Variants in PRKAR2B observed in about 807,000 individuals in gnomAD.
PRKAR2B encodes the protein protein kinase cAMP-dependent type II regulatory subunit beta.
In PRKAR2B, 14 loss-of-function variants were observed where a neutral mutation model predicts 49.9. The observed-to-expected ratio is 0.28, with a 90% CI of 0.19 to 0.44. PRKAR2B has a LOEUF of 0.44. PRKAR2B is among the 20% of genes least tolerant of loss of function. The pLI is 1.00. For synonymous variants in PRKAR2B, 196 were observed against 197.7 expected (o/e 0.99, Z 0.07); for missense variants, 393 against 537.9 (o/e 0.73, Z 2.67).
chr7:107,108,985 G>T (rs1176259950), intron 2 of PRKAR2B, among the ~76,000 whole-genome samples: 1 of 152,218 alleles, frequency 6.6e-6, no homozygotes, highest in Admixed American at 6.5e-5. Context: ...AGAGTGGGCA[G>T]AGTGGCTCAT....
Position 107,158,237 on chromosome 7 carries a change from GGTGA to G in PRKAR2B, c.1123+922_1123+925del, listed in dbSNP as rs1297343813. ...GTGAGTGAAAGTCTATTACAGTAAAGGTGAGTGAGTGAAAGTCTATTAGAAAGAG... is the reference window on the plus strand; with the variant it reads ...GTGAGTGAAAGTCTATTACAGTAAAGGTGAGTGAAAGTCTATTAGAAAGAG... On this transcript the variant is annotated intron_variant, in intron 10 of 10. Transcript: ENST00000265717. Among the ~76,000 whole-genome samples, 3 of 151,810 alleles carry G rather than the reference GGTGA, an allele frequency of 2.0e-5. No homozygotes were observed. In the East Asian group the frequency reaches 5.8e-4, roughly 29 times the overall value.
chr7:107,080,235 C>G (rs1321224593), intron 2 of PRKAR2B, among the ~76,000 whole-genome samples: 2 of 152,076 alleles, frequency 1.3e-5, no homozygotes, highest in African/African-American at 4.8e-5. Flanking sequence ...ACAGCGTGCC[C>G]TCACTATCTT....
At chr7:107,156,704 G>T (rs1015352052) in intron 8 of PRKAR2B, among the ~76,000 whole-genome samples, 2 of 152,026 alleles carry the variant, frequency 1.3e-5, no homozygotes, top group African/African-American at 4.8e-5. Context: ...CACCCAGGAG[G>T]CTGAGGCAGG....
chr7:107,106,520 A>C (rs1795076342), intron 2 of PRKAR2B, among the ~76,000 whole-genome samples: 1 of 152,210 alleles, frequency 6.6e-6, no homozygotes, highest in South Asian at 2.1e-4. Context: ...AAAACTGACC[A>C]AATTTCTCCT....
At chr7:107,095,426 T>C (rs1351254787) in intron 2 of PRKAR2B, among the ~76,000 whole-genome samples, 3 of 152,366 alleles carry the variant, frequency 2.0e-5, no homozygotes, top group African/African-American at 7.2e-5. Flanking sequence ...GTTTTCTAAA[T>C]ATAAAATCAT....
intron 8 of PRKAR2B, among the ~76,000 whole-genome samples, chr7:107,154,501 C>G (rs1584456933): frequency 6.6e-6 from 1 of 152,108 alleles, no homozygotes; most frequent in East Asian, 1.9e-4. Context: ...AAACCTGATA[C>G]AAGAATAAGG....
rs906959969 is a variant in PRKAR2B, at chr7:107,099,153, G to A, written c.344-22799G>A. On this transcript the variant is annotated intron_variant, in intron 2 of 10. Transcript: ENST00000265717. The stretch of plus-strand genomic sequence containing the variant: ...AGGCAGGCAGGCCTCCTTGAGCTGC[G>A]GTGGGCTCCACCCAGTTTGAGCTTC... Among the ~76,000 whole-genome samples the A allele has an allele frequency of 2.6e-5, 4 of 152,282 alleles. No individual in the cohort carries two copies. In the South Asian group the frequency reaches 6.2e-4, roughly 24 times the overall value.
chr7:107,125,739 G>A (rs1224346064), intron 3 of PRKAR2B, among the ~76,000 whole-genome samples: 1 of 152,096 alleles, frequency 6.6e-6, no homozygotes, highest in African/African-American at 2.4e-5. Context: ...GGAAACAGGA[G>A]GAGAGCAGTA....
chr7:107,142,417 C>T (rs1795805115), intron 5 of PRKAR2B, among the ~76,000 whole-genome samples: 2 of 152,204 alleles, frequency 1.3e-5, no homozygotes, highest in Admixed American at 6.5e-5. Flanking sequence ...ATCACTGAAA[C>T]ACCTCAGAAA....
intron 1 of PRKAR2B, among the ~76,000 whole-genome samples, chr7:107,047,983 CGTTA>C (rs1793731222): frequency 6.6e-6 from 1 of 152,092 alleles, no homozygotes; most frequent in Admixed American, 6.5e-5. Context: ...ACATAATTGC[CGTTA>C]GTTGACAATT....
intron 4 of PRKAR2B, among the ~76,000 whole-genome samples, chr7:107,129,431 A>G (rs547102701): frequency 6.6e-6 from 1 of 152,254 alleles, no homozygotes; most frequent in African/African-American, 2.4e-5. Context: ...GAGGGCAGGA[A>G]CTGTGTCTTT....
chr7:107,081,540 A>G (rs1794514151), intron 2 of PRKAR2B, among the ~76,000 whole-genome samples: 1 of 152,056 alleles, frequency 6.6e-6, no homozygotes, highest in African/African-American at 2.4e-5. Context: ...TGATATTTTA[A>G]AAGTTAATAT....
chr7:107,100,484 G>A (rs1794938925), intron 2 of PRKAR2B, among the ~76,000 whole-genome samples: 1 of 152,094 alleles, frequency 6.6e-6, no homozygotes. Context: ...ATTTCATTGT[G>A]TTTATTCTGT....
intron 2 of PRKAR2B, among the ~76,000 whole-genome samples, chr7:107,100,923 T>G (rs544042124): frequency 6.8e-6 from 1 of 147,514 alleles, no homozygotes; most frequent in South Asian, 2.5e-4. Flanking sequence ...TCTGTGAACA[T>G]ATTTATAATA....
intron 2 of PRKAR2B, among the ~76,000 whole-genome samples, chr7:107,079,188 T>C (rs1794466454): frequency 6.6e-6 from 1 of 152,224 alleles, no homozygotes; most frequent in Admixed American, 6.5e-5. Context: ...ACCAGCTCTG[T>C]GTGAAGGATC....
chr7:107,114,328 GTGTGTGTGTGTGTGTGTGTGT>G (rs1562861420), intron 2 of PRKAR2B, among the ~76,000 whole-genome samples: 1 of 19,534 alleles, frequency 5.1e-5, no homozygotes, highest in East Asian at 2.0e-3. Context: ...GTACAGCTGT[GTGTGTGTGTGTGTGTGTGTGT>G]GTGTGTGTGT....
intron 4 of PRKAR2B, among the ~76,000 whole-genome samples, chr7:107,131,776 G>A (rs1795607472): frequency 6.6e-6 from 1 of 152,100 alleles, no homozygotes. Context: ...GCAGATTAGA[G>A]GTTTTAGTTT....
chr7:107,113,792 A>G (rs1193484682), intron 2 of PRKAR2B, among the ~76,000 whole-genome samples: 1 of 152,150 alleles, frequency 6.6e-6, no homozygotes, highest in Non-Finnish European at 1.5e-5. Context: ...TTCTTGGGTT[A>G]GTCTTGTATC....
rs1795533459 is a variant in PRKAR2B at position 107,128,268 on chromosome 7, C to T, written c.453C>T (p.Asp151=). The change falls in exon 4 of 11, where the codon GAC becomes GAT. Residue 151 remains aspartate (D), a synonymous_variant. Coordinates refer to ENST00000265717, the MANE Select transcript of PRKAR2B (RefSeq NM_002736.3). ...QRNRLQEACK[D]ILLFKNLDPE... ...ATAGGTTGCAAGAGGCTTGCAAAGA[C>T]ATCCTGCTGTTTAAGAATCTGGATC... 5.6e-6 allele frequency: 9 copies of T among 1,612,102 alleles called. No homozygotes were observed. The highest frequency in any genetic ancestry group is 5.0e-5 in the Admixed American group (3 of 59,978).
Sources: allele counts gnomAD v4.1 joint callset (sites outside exome capture counted in the v4.1 genomes callset), GRCh38; gene constraint gnomAD v4.1.1; transcripts MANE v1.5; gene names NCBI Gene and HGNC (gene_info 2026-07-23, HGNC 2026-07-21).